Variants in MAGI1 observed in about 807,000 individuals in gnomAD.
MAGI1 encodes the protein membrane-associated guanylate kinase, WW and PDZ domain-containing protein 1.
In MAGI1, 58 loss-of-function variants were observed where a neutral mutation model predicts 139.9. The ratio of observed to expected loss-of-function variants is 0.41; its 90% CI spans 0.34 to 0.52. MAGI1 has a LOEUF of 0.52. Ranked by LOEUF, MAGI1 falls within the 20% of genes least tolerant of loss-of-function variation. The pLI, the probability that MAGI1 is intolerant of heterozygous loss-of-function variation, is 0.12. For synonymous variants in MAGI1, 812 were observed against 737.9 expected (o/e 1.10, Z -1.63); for missense variants, 1,874 against 1,901.6 (o/e 0.99, Z 0.27).
intron 1 of MAGI1, among the ~76,000 whole-genome samples, chr3:65,629,718 T>C (rs972329776): frequency 2.6e-5 from 4 of 152,244 alleles, no homozygotes; most frequent in African/African-American, 9.6e-5. Context: ...CTGAAAAGGA[T>C]GTTTGCTACT....
chr3:65,937,529 AT>A (rs1195072708), intron 1 of MAGI1, among the ~76,000 whole-genome samples: 2 of 152,004 alleles, frequency 1.3e-5, no homozygotes, highest in African/African-American at 4.8e-5. Flanking sequence ...TTTGTGGATG[AT>A]GGTCTGACCA....
intron 5 of MAGI1, among the ~76,000 whole-genome samples, chr3:65,454,584 A>C (rs965758673): frequency 2.7e-5 from 4 of 149,892 alleles, no homozygotes; most frequent in African/African-American, 9.8e-5. Flanking sequence ...CAAAAAAAAA[A>C]GAAGTTTTTT....
intron 1 of MAGI1, among the ~76,000 whole-genome samples, chr3:65,857,600 G>T (rs12496917): frequency 6.6e-6 from 1 of 152,098 alleles, no homozygotes; most frequent in Non-Finnish European, 1.5e-5. Context: ...ATACCATATC[G>T]TAGAAAGCTG....
At chr3:65,480,930 A>T (rs1346930274) in intron 3 of MAGI1, among the ~76,000 whole-genome samples, 2 of 152,184 alleles carry the variant, frequency 1.3e-5, no homozygotes, top group Non-Finnish European at 2.9e-5. Context: ...AAAATTTTTT[A>T]AAATGTTTTT....
At chr3:65,787,105 AT>A (rs1259949699) in intron 1 of MAGI1, among the ~76,000 whole-genome samples, 2 of 152,160 alleles carry the variant, frequency 1.3e-5, no homozygotes, top group Non-Finnish European at 2.9e-5. Context: ...TGGAACAACA[AT>A]AAAACTGCCC....
At chr3:65,890,747 G>A (rs1016329961) in intron 1 of MAGI1, among the ~76,000 whole-genome samples, 4 of 152,234 alleles carry the variant, frequency 2.6e-5, no homozygotes, top group African/African-American at 4.8e-5. Flanking sequence ...CCCAAGGCCA[G>A]TCATACAGCT....
chr3:65,693,421 C>T lies in MAGI1; in HGVS notation c.314-71333G>A, dbSNP rs545080855. ...CCTTGTCCACAGTGCCCCCATACAACCGGGTTCCAAGGCACCTGGACCATA... is the reference window on the plus strand; with the variant it reads ...CCTTGTCCACAGTGCCCCCATACAATCGGGTTCCAAGGCACCTGGACCATA... On this transcript the variant is annotated intron_variant, in intron 1 of 22. Transcript: ENST00000402939. Among the ~76,000 whole-genome samples the T allele has an allele frequency of 6.6e-5, 10 of 152,226 alleles. No homozygotes were observed. In the South Asian group the frequency reaches 2.1e-3, roughly 32 times the overall value.
intron 1 of MAGI1, among the ~76,000 whole-genome samples, chr3:66,013,556 C>T (rs549836419): frequency 2.6e-4 from 40 of 151,672 alleles, no homozygotes; most frequent in Non-Finnish European, 4.7e-4. Context: ...GATCAGGAGA[C>T]CGAGACCATC....
chr3:65,807,684 G>T (rs979310318), intron 1 of MAGI1, among the ~76,000 whole-genome samples: 1 of 152,146 alleles, frequency 6.6e-6, no homozygotes, highest in African/African-American at 2.4e-5. Flanking sequence ...GGAGAACACA[G>T]TACCCAAAAG....
At position 65,439,909 on chromosome 3, in the gene MAGI1, G is replaced by GCTT; in HGVS notation, c.1239_1240insAAG (p.Gln413_Gln414insLys). ...GTCTGCTGCTGCTGCTGCTGCTGCT[G>GCTT]CTGCTGTTGCTGCTGCTGTTGCTGC... On this transcript the variant is annotated inframe_insertion, in exon 9 of 23. Coordinates refer to ENST00000402939, the MANE Select transcript of MAGI1 (RefSeq NM_001033057.2). The GCTT allele has an allele frequency of 6.3e-7, 1 of 1,591,962 alleles. No homozygotes were observed. The highest frequency in any genetic ancestry group is 2.2e-5 in the East Asian group (1 of 44,656).
At chr3:65,734,898 G>A (rs1039952299) in intron 1 of MAGI1, among the ~76,000 whole-genome samples, 11 of 148,276 alleles carry the variant, frequency 7.4e-5, no homozygotes, top group Admixed American at 2.7e-4. Flanking sequence ...GGAGGAGAAG[G>A]GAGGAAGAGA....
At chr3:65,636,831 C>T (rs111357696) in intron 1 of MAGI1, among the ~76,000 whole-genome samples, 9 of 152,286 alleles carry the variant, frequency 5.9e-5, no homozygotes, top group African/African-American at 2.2e-4. Flanking sequence ...GGTAAAAATC[C>T]TGGCACTTGC....
intron 2 of MAGI1, among the ~76,000 whole-genome samples, chr3:65,560,535 G>A (rs1347381171): frequency 1.3e-5 from 2 of 152,156 alleles, no homozygotes; most frequent in Admixed American, 6.5e-5. Context: ...AAATTCTAAA[G>A]ATAGTTCTAG....
In MAGI1 at chr3:65,425,119, A is replaced by ACAAAC. The variant is rs1377461354; in HGVS notation, c.2167+4400_2167+4401insGTTTG. On this transcript the variant is annotated intron_variant, in intron 12 of 22. Coordinates refer to ENST00000402939, the MANE Select transcript of MAGI1 (RefSeq NM_001033057.2). ...ACCAGTAGAACTTCTAAAAAAAAAA[A>ACAAAC]AAAAAAAAAAAAACAAAAAAAAACA... Among the ~76,000 whole-genome samples, 346 of 53,310 alleles carry ACAAAC rather than the reference A, an allele frequency of 6.5e-3. 1 individual carries two copies. The highest frequency in any genetic ancestry group is 0.026 in the African/African-American group (334 of 12,868). The allele number at this position is 53,310 out of a possible 152,430, so 35.0% of individuals were successfully genotyped here. A position where few individuals can be genotyped will look rare whatever the true frequency, so the allele number is the denominator to read the frequency against.
intron 1 of MAGI1, chr3:65,914,110 A>G (rs2061788512): frequency 6.6e-6 from 1 of 152,220 alleles, no homozygotes; most frequent in Non-Finnish European, 1.5e-5. Context: ...CATGATCAAA[A>G]TCACCTCAGG....
chr3:65,556,580 T>A (rs1480602488), intron 2 of MAGI1, among the ~76,000 whole-genome samples: 1 of 152,236 alleles, frequency 6.6e-6, no homozygotes, highest in Non-Finnish European at 1.5e-5. Context: ...TGTCTTTAAA[T>A]TCTGACAATT....
chr3:65,396,233 A>G (rs74668164), intron 13 of MAGI1, among the ~76,000 whole-genome samples: 2,869 of 152,304 alleles, frequency 0.019, 44 homozygotes, highest in Non-Finnish European at 0.028. Context: ...GGAATTTCCA[A>G]TGCTAATTGT....
intron 3 of MAGI1, among the ~76,000 whole-genome samples, chr3:65,492,663 C>T (rs1952125456): frequency 1.3e-5 from 2 of 152,124 alleles, no homozygotes; most frequent in Admixed American, 1.3e-4. Flanking sequence ...AACAGGCATG[C>T]ACACATGTAC....
chr3:65,837,642 A>T (rs188599709), intron 1 of MAGI1, among the ~76,000 whole-genome samples: 118 of 152,322 alleles, frequency 7.7e-4, no homozygotes, highest in African/African-American at 2.6e-3. Context: ...ATAAACACTA[A>T]ATACGAATGC....
Sources: allele counts gnomAD v4.1 joint callset (sites outside exome capture counted in the v4.1 genomes callset), GRCh38; gene constraint gnomAD v4.1.1; transcripts MANE v1.5; gene names NCBI Gene and HGNC (gene_info 2026-07-23, HGNC 2026-07-21).